Variants in TTC5 observed in about 807,000 individuals in gnomAD.
TTC5 encodes tetratricopeptide repeat protein 5.
In TTC5, 46 loss-of-function variants were observed where a neutral mutation model predicts 57.4. That is an observed-to-expected ratio of 0.80 (90% CI 0.63 to 1.03). The LOEUF is 1.03. Among genes scored for constraint, TTC5 ranks in the 50% least tolerant of loss-of-function variants. TTC5 has a pLI of 0.00. For missense variants in TTC5, 504 were observed against 528.1 expected (o/e 0.95, Z 0.45); for synonymous variants, 190 against 203.5 (o/e 0.93, Z 0.57).
rs113364850 is a variant in TTC5 at position 20,288,013 on chromosome 14, A to G, written c.*1614T>C. On this transcript the variant is annotated 3_prime_UTR_variant, in exon 10 of 10. Coordinates refer to ENST00000258821, the MANE Select transcript of TTC5 (RefSeq NM_138376.3). The stretch of plus-strand genomic sequence containing the variant: ...TCCATGAAGAGTGTTCTTGCAAACT[A>G]TATCAGACTGGTTACTCATACTGAC... 5.9e-5 allele frequency: 9 copies of G among 152,270 alleles called. No individual in the cohort carries two copies. The highest frequency in any genetic ancestry group is 3.9e-4 in the Admixed American group (6 of 15,300). 9.4% of individuals were successfully genotyped at this position (152,270 alleles called of 1,614,324 possible). A position where few individuals can be genotyped will look rare whatever the true frequency, so the allele number is the denominator to read the frequency against.
Position 20,291,934 on chromosome 14 carries a change from T to C in TTC5, c.1203+49A>G, listed in dbSNP as rs764346369. On this transcript the variant is annotated intron_variant, in intron 9 of 9. Coordinates refer to ENST00000258821, the MANE Select transcript of TTC5 (RefSeq NM_138376.3). ...TCTTTTATAAAAAGATAAGCTTGGT[T>C]CTACTTTTAGAGCCTACGAGTTGTA... 22 of 1,445,900 alleles carry C rather than the reference T, an allele frequency of 1.5e-5. No individual in the cohort carries two copies. In the Middle Eastern group the frequency reaches 5.6e-4, roughly 37 times the overall value. The allele number at this position is 1,445,900 out of a possible 1,614,324, so 89.6% of individuals were successfully genotyped here.
In TTC5 at chr14:20,300,920, G is replaced by A. The variant is rs146738593; in HGVS notation, c.185-102C>T. 5.5e-6 allele frequency: 5 copies of A among 913,960 alleles called. No homozygotes were observed. The East Asian group carries it at 7.4e-5, about 13-fold the overall frequency. 56.6% of individuals were successfully genotyped at this position (913,960 alleles called of 1,614,324 possible). The stretch of plus-strand genomic sequence containing the variant: ...CACGTCAGTTTTAGGAATAAAAAGA[G>A]TTGGGGAAAATATTTATCAATAAAC... On this transcript the variant is annotated intron_variant, in intron 2 of 9. Transcript: ENST00000258821.
At chr14:20,303,922 A>C (rs1260704342) in intron 1 of TTC5, among the ~76,000 whole-genome samples, 5 of 152,196 alleles carry the variant, frequency 3.3e-5, no homozygotes, top group Non-Finnish European at 7.3e-5. Flanking sequence ...TCTCTGCATA[A>C]CTTATTCCTC....
Position 20,300,644 on chromosome 14 carries a change from G to C in TTC5, c.359C>G (p.Ala120Gly). Residue 120 changes from alanine (A) to glycine (G), a missense_variant, in exon 3 of 10, where the codon GCA (alanine) becomes GGA (glycine). By Grantham distance (60) the Ala-to-Gly change is moderately conservative (BLOSUM62 0). Coordinates refer to ENST00000258821, the MANE Select transcript of TTC5 (RefSeq NM_138376.3). ...GEVYWKKGDV[A>G]AAHTCFSGAL... ...TCCTGAGAAGCAGGTGTGGGCAGCT[G>C]CAACATCCCCTTTTTTCCAGTACAC... 1 of 1,613,622 alleles carries C rather than the reference G, an allele frequency of 6.2e-7. No homozygotes were observed. Among genetic ancestry groups the C allele is most frequent in the South Asian group, 1.1e-5 (1 of 91,080 alleles).
intron 2 of TTC5, among the ~76,000 whole-genome samples, chr14:20,301,367 TAGTC>T (rs1555311756): frequency 6.6e-6 from 1 of 152,108 alleles, no homozygotes; most frequent in Non-Finnish European, 1.5e-5. Context: ...TACAAGTAAT[TAGTC>T]AGAGATAAGG....
In TTC5 at chr14:20,300,618, C is replaced by A; in HGVS notation, c.385G>T (p.Ala129Ser). The A allele has an allele frequency of 1.2e-6, 2 of 1,611,718 alleles. No homozygotes were observed. Among genetic ancestry groups the A allele is most frequent in the Non-Finnish European group, 1.7e-6 (2 of 1,179,732 alleles). The change falls in exon 3 of 10, where the codon GCC becomes TCC. Residue 129 changes from alanine to serine, a missense_variant. Coordinates refer to ENST00000258821, the MANE Select transcript of TTC5 (RefSeq NM_138376.3). Reference sequence around the variant, plus strand: ...AGGGGGCAGCTCACATGGGTGAGGGCTCCTGAGAAGCAGGTGTGGGCAGCT... The same window carrying A: ...AGGGGGCAGCTCACATGGGTGAGGGATCCTGAGAAGCAGGTGTGGGCAGCT... ...VAAAHTCFSG[A>S]LTHCRNKVSL...
At chr14:20,293,865 A>G (rs531233285) in intron 8 of TTC5, 1 of 152,362 alleles carries the variant, frequency 6.6e-6, no homozygotes, top group African/African-American at 2.4e-5. Flanking sequence ...TAGGTGAGTA[A>G]TACTGAAATA....
rs534448214 is a variant in TTC5 at position 20,289,479 on chromosome 14, G to A, written c.*148C>T. On this transcript the variant is annotated 3_prime_UTR_variant, in exon 10 of 10. Transcript: ENST00000258821. ...TGATGAGGACAGAGGAGAGAGAAGA[G>A]ATACGAAGTGTAATACAGGCAGGGA... is the stretch of plus-strand genomic sequence containing the variant. 7 of 920,412 alleles carry A rather than the reference G, an allele frequency of 7.6e-6. No individual in the cohort carries two copies. Among genetic ancestry groups the A allele is most frequent in the South Asian group, 1.9e-5 (1 of 52,358 alleles). The allele number at this position is 920,412 out of a possible 1,614,324, so 57.0% of individuals were successfully genotyped here. A position where few individuals can be genotyped will look rare whatever the true frequency, so the allele number is the denominator to read the frequency against.
intron 1 of TTC5, among the ~76,000 whole-genome samples, chr14:20,304,948 C>G (rs1882260786): frequency 6.6e-6 from 1 of 152,110 alleles, no homozygotes; most frequent in Non-Finnish European, 1.5e-5. Context: ...CAAAGAACCT[C>G]AGTGATAACC....
rs148994845 is a variant in TTC5 at position 20,301,217 on chromosome 14, G to A, written c.185-399C>T. Among the ~76,000 whole-genome samples, 21 of 152,296 alleles carry A rather than the reference G, an allele frequency of 1.4e-4. No individual in the cohort carries two copies. In the East Asian group the frequency reaches 3.1e-3, roughly 22 times the overall value. On this transcript the variant is annotated intron_variant, in intron 2 of 9. Transcript: ENST00000258821. ...AGATGAGTCAGGACAAATAGTTATCGTTAAAACAAAACAGAGAGAGAGAAG... is the reference window on the plus strand; with the variant it reads ...AGATGAGTCAGGACAAATAGTTATCATTAAAACAAAACAGAGAGAGAGAAG...
chr14:20,298,587 C>G (rs186109804), intron 5 of TTC5, among the ~76,000 whole-genome samples: 12 of 149,456 alleles, frequency 8.0e-5, no homozygotes, highest in Non-Finnish European at 1.5e-4. Context: ...TATCCAGCAC[C>G]AATGCGACAC....
Position 20,287,843 on chromosome 14 carries a change from T to C in TTC5, c.*1784A>G, listed in dbSNP as rs1881869803. The C allele has an allele frequency of 6.6e-6, 1 of 152,260 alleles. No homozygotes were observed. The highest frequency in any genetic ancestry group is 1.5e-5 in the Non-Finnish European group (1 of 68,058). 9.4% of individuals were successfully genotyped at this position (152,260 alleles called of 1,614,324 possible). On this transcript the variant is annotated 3_prime_UTR_variant, in exon 10 of 10. Coordinates refer to ENST00000258821, the MANE Select transcript of TTC5 (RefSeq NM_138376.3). Reference sequence around the variant, plus strand: ...TTTCAGCCAATTCTCAAGTTATTTTTATACCCCACAAGCTCCTAATCACTC... The same window carrying C: ...TTTCAGCCAATTCTCAAGTTATTTTCATACCCCACAAGCTCCTAATCACTC...
chr14:20,294,438 A>G (rs1346094348), intron 8 of TTC5: 1 of 152,238 alleles, frequency 6.6e-6, no homozygotes, highest in Non-Finnish European at 1.5e-5. Flanking sequence ...CGTCAAATAT[A>G]CAAACCCCTA....
Position 20,294,006 on chromosome 14 carries a change from C to CA in TTC5, c.1058+1305dup, listed in dbSNP as rs563392634. The CA allele has an allele frequency of 2.4e-4, 37 of 152,276 alleles. No individual in the cohort carries two copies. The East Asian group carries it at 7.1e-3, about 29-fold the overall frequency. The allele number at this position is 152,276 out of a possible 1,614,324, so 9.4% of individuals were successfully genotyped here. ...CTGCCAAAGCCTTGGGTTTATATGA[C>CA]ATCACAGGGCAAGATGATCTATAGA... On this transcript the variant is annotated intron_variant, in intron 8 of 9. Transcript: ENST00000258821.
intron 1 of TTC5, chr14:20,305,488 G>C (rs1378776962): frequency 4.9e-6 from 1 of 205,420 alleles, no homozygotes. Flanking sequence ...TAGCGTGATT[G>C]TTGCCAAATT....
chr14:20,299,819 C>T lies in TTC5; in HGVS notation c.397-371G>A, dbSNP rs539260450. On this transcript the variant is annotated intron_variant, in intron 3 of 9. Coordinates refer to ENST00000258821, the MANE Select transcript of TTC5 (RefSeq NM_138376.3). ...CTGCCTGCCTCAGCCTCCCAAAGCG[C>T]GGGATTACAGGTGTGAGCCACCACG... Among the ~76,000 whole-genome samples, 9 of 150,782 alleles carry T rather than the reference C, an allele frequency of 6.0e-5. 1 individual carries two copies. In the South Asian group the frequency reaches 8.4e-4, roughly 14 times the overall value.
chr14:20,303,894 C>A (rs1882239997), intron 1 of TTC5, among the ~76,000 whole-genome samples: 1 of 152,204 alleles, frequency 6.6e-6, no homozygotes, highest in South Asian at 2.1e-4. Context: ...GACCTTATGC[C>A]TGGACACTTT....
At chr14:20,300,143 G>GTATGTGTGTGTGTATATATATATA (rs56828704) in intron 3 of TTC5, among the ~76,000 whole-genome samples, 3 of 27,170 alleles carry the variant, frequency 1.1e-4, no homozygotes, top group African/African-American at 2.2e-4. Context: ...TCTGGTCCAT[G>GTATGTGTGTGTGTATATATATATA]TATATATATA....
At chr14:20,291,579 C>T (rs556887208) in intron 9 of TTC5, among the ~76,000 whole-genome samples, 4 of 152,182 alleles carry the variant, frequency 2.6e-5, no homozygotes, top group South Asian at 4.1e-4. Flanking sequence ...TTCATCACCC[C>T]GTGTCTACTC....
Sources: gnomAD v4.1 joint callset for allele counts (sites outside exome capture counted in the v4.1 genomes callset) on GRCh38, gnomAD v4.1.1 for gene constraint, MANE v1.5 for transcripts, NCBI Gene and HGNC (gene_info 2026-07-23, HGNC 2026-07-21) for gene names.